Variants in COL4A6 observed in about 807,000 individuals in gnomAD.
The protein encoded by COL4A6 is collagen type IV alpha 6 chain, also known as collagen alpha-6(IV) chain.
In COL4A6, 59 loss-of-function variants were observed where a neutral mutation model predicts 126.7. The ratio of observed to expected loss-of-function variants is 0.47; its 90% CI spans 0.38 to 0.58. COL4A6 has a LOEUF of 0.58. Among genes scored for constraint, COL4A6 ranks in the 20% least tolerant of loss-of-function variants. The probability of loss-of-function intolerance (pLI) is 0.00; values close to 1 mark genes in which losing one functional copy is unlikely to be tolerated. For missense variants in COL4A6, 1,285 were observed against 1,337.3 expected (o/e 0.96, Z 0.61); for synonymous variants, 547 against 496.6 (o/e 1.10, Z -1.35).
chrX:108,280,223 T>G (rs1349460723), intron 3 of COL4A6, among the ~76,000 whole-genome samples: 2 of 110,572 alleles, frequency 1.8e-5, no homozygotes, highest in Non-Finnish European at 3.8e-5. Flanking sequence ...TTTGAAAGGA[T>G]CAACAAAATT....
intron 40 of COL4A6, chrX:108,163,588 G>A (rs2034029928): frequency 8.8e-6 from 1 of 113,108 alleles, no homozygotes; most frequent in Non-Finnish European, 1.9e-5. Flanking sequence ...GAATATGACA[G>A]ACATTTATGG....
At chrX:108,192,329 C>A in intron 18 of COL4A6, 144 bp downstream of exon 18, 1 of 423,195 alleles carries the variant, frequency 2.4e-6, no homozygotes, top group Non-Finnish European at 4.2e-6. Context: ...CTTGGGCTGG[C>A]AGTCGGGAAC....
chrX:108,414,621 A>G (rs1308540248), intron 2 of COL4A6, among the ~76,000 whole-genome samples: 12 of 98,758 alleles, frequency 1.2e-4, no homozygotes, highest in Non-Finnish European at 2.4e-4. Context: ...CTCTCTCTCA[A>G]AAAAAAAAAA....
chrX:108,417,895 A>G (rs887833412), intron 2 of COL4A6, among the ~76,000 whole-genome samples: 1 of 112,257 alleles, frequency 8.9e-6, no homozygotes, highest in Non-Finnish European at 1.9e-5. Context: ...AAACACTGAC[A>G]TAAGAAAGTT....
chrX:108,203,513 G>T (rs1037332924), intron 12 of COL4A6, among the ~76,000 whole-genome samples: 1 of 112,250 alleles, frequency 8.9e-6, no homozygotes, highest in Non-Finnish European at 1.9e-5. Context: ...CCAAATCAAC[G>T]ACTACTTCCT....
chrX:108,317,905 A>G (rs1296421058), intron 2 of COL4A6, among the ~76,000 whole-genome samples: 1 of 111,427 alleles, frequency 9.0e-6, no homozygotes, highest in Non-Finnish European at 1.9e-5. Context: ...TGACTTGGTG[A>G]TGCGGGCTCT....
chrX:108,424,437 C>G (rs1335322298), intron 2 of COL4A6, among the ~76,000 whole-genome samples: 1 of 111,709 alleles, frequency 9.0e-6, no homozygotes, highest in Non-Finnish European at 1.9e-5. Flanking sequence ...ATCATAAAAT[C>G]AAGGATGTCC....
intron 13 of COL4A6, among the ~76,000 whole-genome samples, chrX:108,202,015 T>C (rs974698669): frequency 1.8e-5 from 2 of 112,135 alleles, no homozygotes; most frequent in African/African-American, 6.5e-5. Flanking sequence ...ACCTTCTTAC[T>C]GTTCCTCAAA....
intron 3 of COL4A6, among the ~76,000 whole-genome samples, chrX:108,242,464 G>A (rs972793656): frequency 8.9e-6 from 1 of 111,814 alleles, no homozygotes; most frequent in Non-Finnish European, 1.9e-5. Flanking sequence ...CTACTAAGCT[G>A]TAACAAGACC....
intron 20 of COL4A6, among the ~76,000 whole-genome samples, chrX:108,189,436 T>C (rs1369619258): frequency 8.9e-6 from 1 of 112,077 alleles, no homozygotes; most frequent in Non-Finnish European, 1.9e-5. Context: ...GTGATTCTCA[T>C]GTATAATGAA....
intron 6 of COL4A6, among the ~76,000 whole-genome samples, chrX:108,213,083 C>T (rs941187763): frequency 9.0e-6 from 1 of 111,686 alleles, no homozygotes; most frequent in African/African-American, 3.3e-5. Context: ...GTGTCAAAGT[C>T]CTATATGCCA....
chrX:108,425,530 C>G (rs867254340), intron 2 of COL4A6, among the ~76,000 whole-genome samples: 33 of 109,859 alleles, frequency 3.0e-4, no homozygotes, highest in African/African-American at 1.1e-3. Context: ...GTCAGGAGAT[C>G]GAGACCATCC....
chrX:108,303,946 C>T (rs1019486209), intron 3 of COL4A6, among the ~76,000 whole-genome samples: 5 of 111,843 alleles, frequency 4.5e-5, no homozygotes, highest in Non-Finnish European at 9.4e-5. Context: ...ACTCTAGGGG[C>T]AAGGAACCAT....
intron 2 of COL4A6, among the ~76,000 whole-genome samples, chrX:108,345,371 T>C (rs1289864099): frequency 1.8e-5 from 2 of 111,625 alleles, no homozygotes; most frequent in East Asian, 5.6e-4. Context: ...ACACATGTAG[T>C]CATCTTCTGG....
chrX:108,304,426 T>C (rs2038574214), intron 3 of COL4A6, among the ~76,000 whole-genome samples: 1 of 111,263 alleles, frequency 9.0e-6, no homozygotes, highest in Non-Finnish European at 1.9e-5. Flanking sequence ...ACCCCGTCCT[T>C]TACTACCACC....
Position 108,214,111 on chromosome X carries a change from C to T in COL4A6, c.441+1G>A, listed in dbSNP as rs1422462214. The T allele has an allele frequency of 2.5e-6, 3 of 1,192,265 alleles. No individual in the cohort carries two copies. The highest frequency in any genetic ancestry group is 1.8e-5 in the South Asian group (1 of 56,138). The stretch of plus-strand genomic sequence containing the variant: ...TAAAATGCAAATATCTGGCAGCATA[C>T]GGGTGGTCCGAGAAGCCCAGGATAG... On this transcript the variant is annotated splice_donor_variant, in intron 6 of 44. Transcript: ENST00000334504. LOFTEE classifies it high-confidence loss of function.
At chrX:108,188,050 G>C in intron 21 of COL4A6, 23 bp from the exon 22 acceptor site, 1 of 1,158,622 alleles carries the variant, frequency 8.6e-7, no homozygotes, top group South Asian at 2.0e-5. Flanking sequence ...AGAGAGAAGA[G>C]GGAGTAGTCA....
intron 2 of COL4A6, among the ~76,000 whole-genome samples, chrX:108,417,255 C>G (rs757991913): frequency 3.9e-4 from 44 of 111,716 alleles, no homozygotes; most frequent in Non-Finnish European, 7.2e-4. Flanking sequence ...TCAGCAGCAC[C>G]ACAAGCACAC....
chrX:108,300,752 T>C (rs2038467764), intron 3 of COL4A6, among the ~76,000 whole-genome samples: 1 of 109,609 alleles, frequency 9.1e-6, no homozygotes, highest in Admixed American at 9.8e-5. Context: ...TGTGTGTGTG[T>C]GTAGCCGCCC....
Sources: allele counts gnomAD v4.1 joint callset (sites outside exome capture counted in the v4.1 genomes callset), GRCh38; gene constraint gnomAD v4.1.1; transcripts MANE v1.5; gene names NCBI Gene and HGNC (gene_info 2026-07-23, HGNC 2026-07-21).